RAD50: variants seen among roughly 807,000 people sequenced by gnomAD.
RAD50 encodes RAD50 double strand break repair protein.
A neutral mutation model predicts 168.8 loss-of-function variants in RAD50; 132 were observed. The ratio of observed to expected loss-of-function variants is 0.78; its 90% CI spans 0.68 to 0.90. The LOEUF is 0.90. Ranked by LOEUF, RAD50 falls within the 40% of genes least tolerant of loss-of-function variation. RAD50 has a pLI of 0.00. For synonymous variants in RAD50, 525 were observed against 497.4 expected, an observed-to-expected ratio of 1.06 and a Z score of -0.74; for missense variants, 1,347 against 1,534.4, an observed-to-expected ratio of 0.88 and a Z score of 2.04.
intron 21 of RAD50, among the ~76,000 whole-genome samples, chr5:132,622,092 T>C (rs749205033): frequency 6.6e-6 from 1 of 152,128 alleles, no homozygotes; most frequent in Non-Finnish European, 1.5e-5. Flanking sequence ...CCTATTGAGT[T>C]GTCATTTTTT....
intron 5 of RAD50, among the ~76,000 whole-genome samples, chr5:132,584,249 C>T (rs566238283): frequency 1.5e-3 from 227 of 152,300 alleles, no homozygotes; most frequent in Non-Finnish European, 2.5e-3. Context: ...TTGCATTTCT[C>T]TGATGGCCAG....
intron 20 of RAD50, among the ~76,000 whole-genome samples, chr5:132,617,226 G>A (rs1049616322): frequency 2.0e-5 from 3 of 152,066 alleles, no homozygotes; most frequent in South Asian, 2.1e-4. Flanking sequence ...TAATATATTC[G>A]TGGCTACTAA....
chr5:132,587,419 A>T, intron 5 of RAD50, 143 bp from the exon 6 acceptor site: 1 of 1,258,298 alleles, frequency 7.9e-7, no homozygotes, highest in East Asian at 2.6e-5. Flanking sequence ...CAGTTTCTCT[A>T]GGCCTGCTCT....
At chr5:132,579,658 C>G in intron 4 of RAD50, 156 bp downstream of exon 4, 2 of 865,456 alleles carry the variant, frequency 2.3e-6, no homozygotes, top group South Asian at 3.3e-5. Context: ...TTTTCTTTCA[C>G]TTGTCTTTCT....
intron 19 of RAD50, among the ~76,000 whole-genome samples, chr5:132,610,182 A>G (rs931501085): frequency 6.6e-6 from 1 of 152,116 alleles, no homozygotes; most frequent in African/African-American, 2.4e-5. Flanking sequence ...CATTTTGTGT[A>G]TATACCAGCA....
intron 19 of RAD50, among the ~76,000 whole-genome samples, chr5:132,612,725 G>C (rs2149851512): frequency 6.6e-6 from 1 of 152,196 alleles, no homozygotes; most frequent in South Asian, 2.1e-4. Flanking sequence ...CTACTCAGGA[G>C]GCTGAGGTGG....
In RAD50 at chr5:132,603,418, G is replaced by A; in HGVS notation, c.2326G>A (p.Gly776Ser). 6.2e-7 allele frequency: 1 copy of A among 1,613,932 alleles called. No homozygotes were observed. The highest frequency in any genetic ancestry group is 8.5e-7 in the Non-Finnish European group (1 of 1,179,906). The change falls in exon 14 of 25, where the codon GGT (glycine) becomes AGT (serine). Residue 776 changes from glycine (G) to serine (S), a missense_variant. By Grantham distance (56) the Gly-to-Ser change is moderately conservative. Transcript: ENST00000378823. Reference sequence around the variant, plus strand: ...CATAGAAGAACAAGAAACACTCTTGGGTACAATAATGCCTGAAGAAGAAAG... The same window carrying A: ...CATAGAAGAACAAGAAACACTCTTGAGTACAATAATGCCTGAAGAAGAAAG... ...NDIEEQETLLGTIMPEEESAK... is the reference protein window; with the variant it reads ...NDIEEQETLLSTIMPEEESAK...
In RAD50 at chr5:132,632,774, A is replaced by G. The variant is rs1751499519; in HGVS notation, c.3390-4341A>G. On this transcript the variant is annotated intron_variant, in intron 21 of 24. Transcript: ENST00000378823. ...CAAATTGCCTTCTAAAAACACTTAG[A>G]AAATTTCCACCAATAGTATATGAAA... 1.3e-5 allele frequency among the ~76,000 whole-genome samples: 2 copies of G among 152,358 alleles called. 1 individual carries two copies. The highest frequency in any genetic ancestry group is 4.1e-4 in the South Asian group (2 of 4,834).
At chr5:132,601,160 C>G (rs973782101) in intron 13 of RAD50, among the ~76,000 whole-genome samples, 8 of 152,106 alleles carry the variant, frequency 5.3e-5, no homozygotes, top group Non-Finnish European at 1.2e-4. Flanking sequence ...CCACGCCCAA[C>G]TGATTTTTTG....
intron 2 of RAD50, among the ~76,000 whole-genome samples, chr5:132,570,560 C>CGTTG (rs1465578927): frequency 1.3e-5 from 2 of 152,206 alleles, no homozygotes; most frequent in Admixed American, 1.3e-4. Context: ...GCCTCATGAA[C>CGTTG]CAACCATTGC....
chr5:132,641,965 G>A, intron 24 of RAD50: 1 of 580,840 alleles, frequency 1.7e-6, no homozygotes, highest in South Asian at 2.1e-5. Context: ...TAAGTGAGGA[G>A]TCAGGCCATG....
chr5:132,613,015 G>T (rs1306629748), intron 19 of RAD50, among the ~76,000 whole-genome samples: 1 of 151,762 alleles, frequency 6.6e-6, no homozygotes, highest in Non-Finnish European at 1.5e-5. Context: ...TGTAGAAGTG[G>T]TGTTATTCCC....
chr5:132,583,555 T>C (rs1433411309), intron 5 of RAD50, among the ~76,000 whole-genome samples: 3 of 152,162 alleles, frequency 2.0e-5, no homozygotes, highest in Non-Finnish European at 4.4e-5. Context: ...CTCCCATCCA[T>C]AGTAACCACT....
At position 132,645,768 on chromosome 5, in the gene RAD50, G is replaced by A. The variant is rs150240870; in HGVS notation, c.*3404G>A. ...CAGAATTATCCCACCTAAGGGGCAA[G>A]AGACCTGGAGTATTTATATAACAAC... On this transcript the variant is annotated 3_prime_UTR_variant, in exon 25 of 25. Coordinates refer to ENST00000378823, the MANE Select transcript of RAD50 (RefSeq NM_005732.4). 6.6e-6 allele frequency: 1 copy of A among 152,180 alleles called. No individual in the cohort carries two copies. Among genetic ancestry groups the A allele is most frequent in the Non-Finnish European group, 1.5e-5 (1 of 68,034 alleles). The allele number at this position is 152,180 out of a possible 1,614,324, so 9.4% of individuals were successfully genotyped here.
chr5:132,635,026 A>T (rs1751547207), intron 21 of RAD50, among the ~76,000 whole-genome samples: 1 of 152,060 alleles, frequency 6.6e-6, no homozygotes, highest in Non-Finnish European at 1.5e-5. Flanking sequence ...TACCTTATAT[A>T]CTTGGGAGCT....
rs1256710740 is a variant in RAD50 at position 132,608,680 on chromosome 5, A to AT, written c.2786dup (p.Leu929PhefsTer15). On this transcript the variant is annotated frameshift_variant, in exon 17 of 25. Coordinates refer to ENST00000378823, the MANE Select transcript of RAD50 (RefSeq NM_005732.4). LOFTEE classifies it high-confidence loss of function. ...AAAAGTTCCAGCAAGAAAAAGAAGAATTAATCAACAAAAAAAATACAAGCA... is the reference window on the plus strand; with the variant it reads ...AAAAGTTCCAGCAAGAAAAAGAAGAATTTAATCAACAAAAAAAATACAAGCA... 6.3e-7 allele frequency: 1 copy of AT among 1,599,096 alleles called. No individual in the cohort carries two copies. The highest frequency in any genetic ancestry group is 2.3e-5 in the East Asian group (1 of 43,852).
intron 10 of RAD50, among the ~76,000 whole-genome samples, chr5:132,591,635 GTTAACTT>G (rs1448186662): frequency 2.0e-5 from 3 of 152,036 alleles, no homozygotes; most frequent in African/African-American, 7.2e-5. Flanking sequence ...GCACATTACT[GTTAACTT>G]TTAACATACA....
At chr5:132,618,334 TTAAC>T (rs1751216433) in intron 21 of RAD50, 40 bp downstream of exon 21, 3 of 1,610,488 alleles carry the variant, frequency 1.9e-6, no homozygotes, top group Non-Finnish European at 2.5e-6. Flanking sequence ...GCAGTTAATA[TTAAC>T]TAACATACTT....
At chr5:132,594,358 A>G (rs540949484) in intron 11 of RAD50, among the ~76,000 whole-genome samples, 1 of 152,332 alleles carries the variant, frequency 6.6e-6, no homozygotes, top group Non-Finnish European at 1.5e-5. Flanking sequence ...ATGTTTAAGA[A>G]TTAAAGTGGG....
Sources: gnomAD v4.1 joint callset for allele counts (sites outside exome capture counted in the v4.1 genomes callset) on GRCh38, gnomAD v4.1.1 for gene constraint, MANE v1.5 for transcripts, NCBI Gene and HGNC (gene_info 2026-07-23, HGNC 2026-07-21) for gene names.